The following SGCD variants were observed in gnomAD, a reference collection of about 807,000 sequenced individuals.
The protein encoded by SGCD is delta-sarcoglycan.
SGCD carries 18 observed loss-of-function variants against 36.6 expected under a neutral mutation model. The ratio of observed to expected loss-of-function variants is 0.49; its 90% CI spans 0.34 to 0.73. SGCD has a LOEUF of 0.73. SGCD is among the 30% of genes least tolerant of loss of function. The pLI, the probability that SGCD is intolerant of heterozygous loss-of-function variation, is 0.01. For synonymous variants in SGCD, 133 were observed against 130.6 expected (o/e 1.02, Z -0.12); for missense variants, 387 against 346.7 (o/e 1.12, Z -0.92).
At chr5:156,593,621 G>C (rs771171665) in intron 5 of SGCD, among the ~76,000 whole-genome samples, 55 of 151,962 alleles carry the variant, frequency 3.6e-4, no homozygotes, top group Admixed American at 2.6e-4. Flanking sequence ...TTCCTTAAAC[G>C]TTCCCCAAAA....
intron 1 of SGCD, among the ~76,000 whole-genome samples, chr5:155,895,810 G>T (rs1005097718): frequency 6.6e-6 from 1 of 152,172 alleles, no homozygotes; most frequent in South Asian, 2.1e-4. Context: ...GGAGCACATT[G>T]CAAGGAAGCA....
At chr5:156,237,494 A>G (rs1405798578) in intron 3 of SGCD, among the ~76,000 whole-genome samples, 4 of 152,102 alleles carry the variant, frequency 2.6e-5, no homozygotes, top group Admixed American at 2.6e-4. Context: ...CCATGGTGAC[A>G]TGGGCCTGTA....
At chr5:156,541,797 T>A (rs182784382) in intron 4 of SGCD, among the ~76,000 whole-genome samples, 1 of 152,306 alleles carries the variant, frequency 6.6e-6, no homozygotes, top group East Asian at 1.9e-4. Context: ...TATGCTGCAA[T>A]GAATCTTTAG....
intron 1 of SGCD, among the ~76,000 whole-genome samples, chr5:156,040,922 T>C (rs1759617509): frequency 1.3e-5 from 2 of 152,314 alleles, no homozygotes; most frequent in Admixed American, 6.5e-5. Flanking sequence ...TTTGATTTTA[T>C]AGTAGCCTAT....
At chr5:156,732,851 C>G (rs924972475) in intron 7 of SGCD, among the ~76,000 whole-genome samples, 1 of 151,568 alleles carries the variant, frequency 6.6e-6, no homozygotes, top group South Asian at 2.1e-4. Flanking sequence ...TTTATCTATT[C>G]TAGTTCATGA....
intron 3 of SGCD, among the ~76,000 whole-genome samples, chr5:156,366,345 A>G (rs1403330310): frequency 6.6e-6 from 1 of 152,208 alleles, no homozygotes; most frequent in African/African-American, 2.4e-5. Flanking sequence ...GGGCAGGGTC[A>G]TTGTGATTTC....
chr5:156,193,340 A>G (rs2127633549), intron 3 of SGCD, among the ~76,000 whole-genome samples: 1 of 152,254 alleles, frequency 6.6e-6, no homozygotes, highest in East Asian at 1.9e-4. Flanking sequence ...AGCCAAGTCT[A>G]TATTTGAACA....
chr5:156,749,554 A>G (rs965309501), intron 7 of SGCD, among the ~76,000 whole-genome samples: 1 of 152,190 alleles, frequency 6.6e-6, no homozygotes, highest in Non-Finnish European at 1.5e-5. Flanking sequence ...GGACAAAAAA[A>G]AGACAGACAG....
intron 3 of SGCD, among the ~76,000 whole-genome samples, chr5:156,406,036 G>GAAAAAAAAAAAAAAAAAAAAAAT (rs79259925): frequency 5.1e-5 from 7 of 136,604 alleles, no homozygotes; most frequent in East Asian, 2.4e-4. Context: ...AAAAAAAAAG[G>GAAAAAAAAAAAAAAAAAAAAAAT]CCTCTGGGCA....
At chr5:155,875,205 G>A (rs1237542626) in intron 1 of SGCD, among the ~76,000 whole-genome samples, 1 of 152,066 alleles carries the variant, frequency 6.6e-6, no homozygotes, top group African/African-American at 2.4e-5. Flanking sequence ...GAAAATGCAA[G>A]CTAACCCATA....
At chr5:156,246,121 T>C (rs970768207) in intron 3 of SGCD, among the ~76,000 whole-genome samples, 2 of 152,208 alleles carry the variant, frequency 1.3e-5, no homozygotes, top group African/African-American at 4.8e-5. Context: ...CTCTATTGTC[T>C]GTAAGAGTGA....
At chr5:156,169,748 C>T (rs968357437) in intron 3 of SGCD, among the ~76,000 whole-genome samples, 3 of 151,852 alleles carry the variant, frequency 2.0e-5, no homozygotes, top group Non-Finnish European at 2.9e-5. Flanking sequence ...GACTAAATAG[C>T]ATAATGGTGT....
At chr5:156,100,044 T>G (rs1464760484) in intron 1 of SGCD, among the ~76,000 whole-genome samples, 1 of 152,178 alleles carries the variant, frequency 6.6e-6, no homozygotes, top group African/African-American at 2.4e-5. Flanking sequence ...TTGTGTCTAA[T>G]TTTCATTAGA....
chr5:156,600,909 A>G (rs1345641724), intron 6 of SGCD, among the ~76,000 whole-genome samples: 1 of 152,144 alleles, frequency 6.6e-6, no homozygotes, highest in Non-Finnish European at 1.5e-5. Context: ...TTATATTTAA[A>G]TGGTTAATGA....
intron 3 of SGCD, among the ~76,000 whole-genome samples, chr5:156,254,264 T>G (rs1765656144): frequency 6.6e-6 from 1 of 152,196 alleles, no homozygotes; most frequent in Non-Finnish European, 1.5e-5. Context: ...TAGGGTACAC[T>G]GCACAACATG....
chr5:155,980,325 C>T (rs1758199359), intron 1 of SGCD, among the ~76,000 whole-genome samples: 1 of 151,914 alleles, frequency 6.6e-6, no homozygotes, highest in African/African-American at 2.4e-5. Flanking sequence ...GTGGTTCACG[C>T]CTATAATCCC....
chr5:156,280,953 G>A lies in SGCD; in HGVS notation c.-43-48581G>A, dbSNP rs116232789. The stretch of plus-strand genomic sequence containing the variant: ...GTTGCTTAATTAGGAGGCAGTTCCT[G>A]GAATTAAAGACACAGACTTTCATAA... On this transcript the variant is annotated intron_variant, in intron 3 of 9. Coordinates refer to the SGCD transcript ENST00000517913. Among the ~76,000 whole-genome samples, 382 of 152,132 alleles carry A rather than the reference G, an allele frequency of 2.5e-3. 1 individual carries two copies. Among genetic ancestry groups the A allele is most frequent in the African/African-American group, 8.9e-3 (371 of 41,500 alleles).
intron 1 of SGCD, among the ~76,000 whole-genome samples, chr5:156,073,151 A>G (rs1264855207): frequency 6.6e-6 from 1 of 152,122 alleles, no homozygotes; most frequent in Non-Finnish European, 1.5e-5. Context: ...CCTTCTTTCT[A>G]GTTTCATGAA....
At chr5:156,104,327 CAT>C (rs1328668490) in intron 1 of SGCD, among the ~76,000 whole-genome samples, 1 of 152,118 alleles carries the variant, frequency 6.6e-6, no homozygotes, top group African/African-American at 2.4e-5. Context: ...TGATAATTTT[CAT>C]AACTGTTTAT....
Sources: allele counts gnomAD v4.1 joint callset (sites outside exome capture counted in the v4.1 genomes callset), GRCh38; gene constraint gnomAD v4.1.1; transcripts MANE v1.5; gene names NCBI Gene and HGNC (gene_info 2026-07-23, HGNC 2026-07-21).